Variants in FGF12 observed in about 807,000 individuals in gnomAD.
FGF12 encodes fibroblast growth factor 12B.
FGF12 carries 14 observed loss-of-function variants against 23.6 expected under a neutral mutation model. The ratio of observed to expected loss-of-function variants is 0.59; its 90% CI spans 0.39 to 0.93. The LOEUF (loss-of-function observed/expected upper bound fraction) is 0.93. Among genes scored for constraint, FGF12 ranks in the 40% least tolerant of loss-of-function variants. FGF12 has a pLI of 0.00. For synonymous variants in FGF12, 62 were observed against 77.3 expected, an observed-to-expected ratio of 0.80 and a Z score of 1.04; for missense variants, 175 against 217.8, an observed-to-expected ratio of 0.80 and a Z score of 1.24.
intron 4 of FGF12, among the ~76,000 whole-genome samples, chr3:192,316,253 G>A (rs115062250): frequency 0.021 from 3,131 of 152,118 alleles, 95 homozygotes; most frequent in African/African-American, 0.071. Context: ...TAAAACGCAA[G>A]AATGAATAAC....
At chr3:192,317,272 A>C (rs1206909456) in intron 4 of FGF12, among the ~76,000 whole-genome samples, 1 of 151,996 alleles carries the variant, frequency 6.6e-6, no homozygotes, top group Admixed American at 6.6e-5. Context: ...AGCATCAAGC[A>C]GGTTCCCAGG....
intron 4 of FGF12, among the ~76,000 whole-genome samples, chr3:192,227,465 C>T (rs1055450436): frequency 1.3e-5 from 2 of 151,556 alleles, no homozygotes; most frequent in Non-Finnish European, 2.9e-5. Flanking sequence ...TAAATGCTTC[C>T]TCATATTTCC....
chr3:192,312,257 A>G (rs80244219), intron 4 of FGF12, among the ~76,000 whole-genome samples: 5,697 of 152,024 alleles, frequency 0.037, 346 homozygotes, highest in African/African-American at 0.13. Context: ...ATAAAAGTTT[A>G]CTCCTATGCT....
chr3:192,279,896 G>A (rs111581586), intron 4 of FGF12, among the ~76,000 whole-genome samples: 3 of 152,192 alleles, frequency 2.0e-5, no homozygotes, highest in African/African-American at 7.2e-5. Context: ...GAATATGTGT[G>A]TGGTGGGTAG....
At chr3:192,641,822 A>G (rs1369020536) in intron 2 of FGF12, among the ~76,000 whole-genome samples, 1 of 152,222 alleles carries the variant, frequency 6.6e-6, no homozygotes, top group African/African-American at 2.4e-5. Context: ...AGCTATGACC[A>G]TTTGTTTGCT....
intron 2 of FGF12, chr3:192,534,244 G>A (rs1424828371): frequency 6.6e-6 from 1 of 152,152 alleles, no homozygotes; most frequent in Non-Finnish European, 1.5e-5. Flanking sequence ...AACACACTGA[G>A]TAAACTTCAA....
chr3:192,482,179 CCTTAGTGTTT>C (rs1236674145), intron 2 of FGF12, among the ~76,000 whole-genome samples: 1 of 151,886 alleles, frequency 6.6e-6, no homozygotes, highest in Non-Finnish European at 1.5e-5. Flanking sequence ...GAGATTGCAA[CCTTAGTGTTT>C]TAGAATTTGA....
chr3:192,383,188 T>C (rs963073707), intron 2 of FGF12, among the ~76,000 whole-genome samples: 5 of 152,218 alleles, frequency 3.3e-5, no homozygotes, highest in Non-Finnish European at 7.3e-5. Flanking sequence ...CAGCATGGCA[T>C]GGAAGACAAA....
At chr3:192,688,829 GAATCA>G (rs1481379292) in intron 2 of FGF12, among the ~76,000 whole-genome samples, 1 of 152,032 alleles carries the variant, frequency 6.6e-6, no homozygotes, top group Non-Finnish European at 1.5e-5. Context: ...CAAAAACATG[GAATCA>G]ACCTAAAAAT....
chr3:192,608,197 A>G (rs569728496), intron 2 of FGF12, among the ~76,000 whole-genome samples: 2 of 152,158 alleles, frequency 1.3e-5, no homozygotes, highest in African/African-American at 4.8e-5. Flanking sequence ...GGTACAAAAA[A>G]TATAATTAGA....
chr3:192,317,912 G>T (rs1453928896), intron 4 of FGF12, among the ~76,000 whole-genome samples: 1 of 152,150 alleles, frequency 6.6e-6, no homozygotes, highest in East Asian at 1.9e-4. Context: ...TTTGCTTGGG[G>T]AAAAGTAAGA....
intron 2 of FGF12, among the ~76,000 whole-genome samples, chr3:192,675,883 G>A (rs79631541): frequency 1.3e-5 from 2 of 152,276 alleles, no homozygotes; most frequent in East Asian, 3.9e-4. Flanking sequence ...ATTTGCATTG[G>A]CTGTGAATAC....
At chr3:192,500,904 C>T (rs1724115407) in intron 2 of FGF12, among the ~76,000 whole-genome samples, 2 of 152,160 alleles carry the variant, frequency 1.3e-5, no homozygotes, top group South Asian at 4.1e-4. Flanking sequence ...TTCAAGATCG[C>T]ATAAGTGGTA....
At chr3:192,166,718 G>A (rs537477423) in intron 5 of FGF12, among the ~76,000 whole-genome samples, 1 of 152,320 alleles carries the variant, frequency 6.6e-6, no homozygotes, top group African/African-American at 2.4e-5. Context: ...CCTGCACAGA[G>A]TAAGCATTTA....
At chr3:192,663,724 C>T (rs1484269026) in intron 2 of FGF12, among the ~76,000 whole-genome samples, 1 of 152,050 alleles carries the variant, frequency 6.6e-6, no homozygotes, top group Non-Finnish European at 1.5e-5. Flanking sequence ...ACATTATTTT[C>T]TCTCTCAGAA....
chr3:192,584,148 A>G (rs1220379362), intron 2 of FGF12, among the ~76,000 whole-genome samples: 1 of 152,190 alleles, frequency 6.6e-6, no homozygotes, highest in Non-Finnish European at 1.5e-5. Flanking sequence ...AGCAAAAGAG[A>G]TGAATAATTA....
At chr3:192,196,558 A>C (rs1216006445) in intron 4 of FGF12, among the ~76,000 whole-genome samples, 1 of 152,144 alleles carries the variant, frequency 6.6e-6, no homozygotes, top group Non-Finnish European at 1.5e-5. Flanking sequence ...GGAGACAAAA[A>C]AAAAATCCCA....
chr3:192,370,036 T>C (rs1285732807), intron 2 of FGF12, among the ~76,000 whole-genome samples: 1 of 152,194 alleles, frequency 6.6e-6, no homozygotes, highest in Admixed American at 6.5e-5. Context: ...CACAGACAGA[T>C]GCATGTGCTT....
At chr3:192,711,287 G>T (rs906519975) in intron 2 of FGF12, among the ~76,000 whole-genome samples, 1 of 130,166 alleles carries the variant, frequency 7.7e-6, no homozygotes, top group Non-Finnish European at 1.5e-5. Flanking sequence ...GGAGGGAGGT[G>T]GGGGGCAGCC....
Sources: allele counts gnomAD v4.1 joint callset (sites outside exome capture counted in the v4.1 genomes callset), GRCh38; gene constraint gnomAD v4.1.1; transcripts MANE v1.5; gene names NCBI Gene and HGNC (gene_info 2026-07-23, HGNC 2026-07-21).